Variants in CYTH3 observed in about 807,000 individuals in gnomAD.
The protein encoded by CYTH3 is cytohesin 3.
In CYTH3, 23 loss-of-function variants were observed where a neutral mutation model predicts 55.1. The ratio of observed to expected loss-of-function variants is 0.42; its 90% CI spans 0.30 to 0.59. CYTH3 has a LOEUF of 0.59. CYTH3 is among the 20% of genes least tolerant of loss of function. The pLI, the probability that CYTH3 is intolerant of heterozygous loss-of-function variation, is 0.20. For missense variants in CYTH3, 413 were observed against 524.8 expected (o/e 0.79, Z 2.08); for synonymous variants, 249 against 194.9 (o/e 1.28, Z -2.31).
At chr7:6,189,931 G>A (rs1346227619) in intron 2 of CYTH3, among the ~76,000 whole-genome samples, 1 of 152,068 alleles carries the variant, frequency 6.6e-6, no homozygotes, top group Non-Finnish European at 1.5e-5. Flanking sequence ...AGATACTCAG[G>A]AGACTGAGGC....
intron 1 of CYTH3, among the ~76,000 whole-genome samples, chr7:6,195,675 A>G (rs758061416): frequency 6.6e-6 from 1 of 152,112 alleles, no homozygotes; most frequent in Non-Finnish European, 1.5e-5. Context: ...TCAAGCAATG[A>G]ATGAGGAAGG....
At position 6,188,008 on chromosome 7, in the gene CYTH3, G is replaced by C. The variant is rs367876711; in HGVS notation, c.118-287C>G. Among the ~76,000 whole-genome samples, 641 of 135,132 alleles carry C rather than the reference G, an allele frequency of 4.7e-3. 5 individuals carry two copies. The highest frequency in any genetic ancestry group is 0.024 in the African/African-American group (611 of 25,694). 88.7% of individuals were successfully genotyped at this position (135,132 alleles called of 152,430 possible). ...GTATATAAAATCAGGCAAGCACACTGGGGGGGGAATATCACAGCTGTGAAA... is the reference window on the plus strand; with the variant it reads ...GTATATAAAATCAGGCAAGCACACTCGGGGGGGAATATCACAGCTGTGAAA... On this transcript the variant is annotated intron_variant, in intron 2 of 12. Transcript: ENST00000350796.
At chr7:6,259,774 ATATATATATAATATATATATAT>A (rs1780260961) in intron 1 of CYTH3, among the ~76,000 whole-genome samples, 4 of 22,712 alleles carry the variant, frequency 1.8e-4, no homozygotes, top group South Asian at 1.6e-3. Flanking sequence ...TATATATATT[ATATATATATAATATATATATAT>A]ATATATATAT....
intron 1 of CYTH3, among the ~76,000 whole-genome samples, chr7:6,271,752 A>T (rs1780664239): frequency 6.6e-6 from 1 of 152,120 alleles, no homozygotes; most frequent in African/African-American, 2.4e-5. Context: ...ACTCGGGAGC[A>T]CACCTGGCTC....
intron 1 of CYTH3, among the ~76,000 whole-genome samples, chr7:6,209,225 ATAC>A (rs1269387464): frequency 2.2e-4 from 33 of 152,354 alleles, no homozygotes; most frequent in African/African-American, 6.0e-4. Flanking sequence ...TGTAAATGGG[ATAC>A]TACTACTATC....
intron 1 of CYTH3, among the ~76,000 whole-genome samples, chr7:6,221,653 C>T (rs182254214): frequency 4.2e-4 from 64 of 152,146 alleles, no homozygotes; most frequent in African/African-American, 1.4e-3. Context: ...CCTTTATGTA[C>T]TGTTATCTTT....
chr7:6,261,210 C>T (rs1004565709), intron 1 of CYTH3, among the ~76,000 whole-genome samples: 1 of 151,960 alleles, frequency 6.6e-6, no homozygotes, highest in African/African-American at 2.4e-5. Context: ...AGCTGGGAAG[C>T]CAAAATACCA....
chr7:6,170,251 G>A lies in CYTH3; in HGVS notation c.823+284C>T, dbSNP rs989041770. 2.1e-5 allele frequency: 9 copies of A among 434,322 alleles called. No individual in the cohort carries two copies. The highest frequency in any genetic ancestry group is 3.3e-5 in the Non-Finnish European group (8 of 243,912). The allele number at this position is 434,322 out of a possible 1,614,324, so 26.9% of individuals were successfully genotyped here. A position where few individuals can be genotyped will look rare whatever the true frequency, so the allele number is the denominator to read the frequency against. On this transcript the variant is annotated intron_variant, in intron 9 of 12. Transcript: ENST00000350796. This position sits in a 1 kb window ranked among gnomAD's most constrained non-coding sequence, Gnocchi z 7.8. Reference sequence around the variant, plus strand: ...AGATAATGCGCTTGCTTCTCGTGCAGGAAGCTGCCCTGGCTGGATCTGGAT... The same window carrying A: ...AGATAATGCGCTTGCTTCTCGTGCAAGAAGCTGCCCTGGCTGGATCTGGAT...
At chr7:6,191,042 A>G (rs1406024569) in intron 1 of CYTH3, among the ~76,000 whole-genome samples, 3 of 151,892 alleles carry the variant, frequency 2.0e-5, no homozygotes, top group Non-Finnish European at 4.4e-5. Flanking sequence ...ACATCACTGC[A>G]CTCCAGCCTG....
At chr7:6,259,768 TATA>T (rs1780253141) in intron 1 of CYTH3, among the ~76,000 whole-genome samples, 1 of 24,340 alleles carries the variant, frequency 4.1e-5, no homozygotes, top group Non-Finnish European at 5.7e-5. Context: ...TATATATATA[TATA>T]TTATATATAT....
intron 1 of CYTH3, among the ~76,000 whole-genome samples, chr7:6,205,436 T>C (rs1167409601): frequency 1.3e-5 from 2 of 151,724 alleles, no homozygotes; most frequent in East Asian, 1.9e-4. Flanking sequence ...TAGCCAGGCA[T>C]GGCAGTGCAC....
intron 1 of CYTH3, among the ~76,000 whole-genome samples, chr7:6,199,689 C>T (rs560905820): frequency 2.0e-5 from 3 of 152,222 alleles, no homozygotes; most frequent in Non-Finnish European, 4.4e-5. Context: ...AATTTGTTAC[C>T]GATGCAAAAC....
At chr7:6,235,634 G>A (rs765058609) in intron 1 of CYTH3, among the ~76,000 whole-genome samples, 4 of 152,086 alleles carry the variant, frequency 2.6e-5, no homozygotes, top group Non-Finnish European at 5.9e-5. Flanking sequence ...TCTTATACAC[G>A]GGAGTCGTTA....
At chr7:6,195,617 G>T (rs1156876205) in intron 1 of CYTH3, among the ~76,000 whole-genome samples, 11 of 152,026 alleles carry the variant, frequency 7.2e-5, no homozygotes, top group Admixed American at 7.2e-4. Flanking sequence ...ATCACGCCCG[G>T]CTAATTTTTT....
chr7:6,174,769 G>T (rs59966204), intron 5 of CYTH3, among the ~76,000 whole-genome samples: 1 of 151,378 alleles, frequency 6.6e-6, no homozygotes, highest in South Asian at 2.1e-4. Context: ...GGATGGTCTA[G>T]ATCTCCTAAC....
chr7:6,207,928 T>A (rs1784232239), intron 1 of CYTH3, among the ~76,000 whole-genome samples: 1 of 149,658 alleles, frequency 6.7e-6, no homozygotes, highest in Admixed American at 6.7e-5. Flanking sequence ...GCAGCCTGGG[T>A]GACAGAGCCA....
At chr7:6,240,736 AG>A (rs1350034932) in intron 1 of CYTH3, among the ~76,000 whole-genome samples, 1 of 152,260 alleles carries the variant, frequency 6.6e-6, no homozygotes, top group African/African-American at 2.4e-5. Context: ...AAGTACAGGA[AG>A]AAAACAGATA....
At position 6,198,444 on chromosome 7, in the gene CYTH3, A is replaced by T. The variant is rs139650809; in HGVS notation, c.35-7913T>A. ...TCACAGAATCTGCTGATACACAGAC[A>T]ATTTCACACATGTGACCGCCATACT... On this transcript the variant is annotated intron_variant, in intron 1 of 12. Transcript: ENST00000350796. 4.5e-3 allele frequency among the ~76,000 whole-genome samples: 690 copies of T among 152,360 alleles called. 3 individuals carry two copies. Among genetic ancestry groups the T allele is most frequent in the African/African-American group, 0.016 (657 of 41,578 alleles).
At chr7:6,224,608 G>A (rs1200282122) in intron 1 of CYTH3, among the ~76,000 whole-genome samples, 1 of 152,208 alleles carries the variant, frequency 6.6e-6, no homozygotes, top group Non-Finnish European at 1.5e-5. Flanking sequence ...ATACATTGCT[G>A]GCGTGAATGG....
Sources: gnomAD v4.1 joint callset for allele counts (sites outside exome capture counted in the v4.1 genomes callset) on GRCh38, gnomAD v4.1.1 for gene constraint, Gnocchi (gnomAD v3.1) non-coding constraint, MANE v1.5 for transcripts, NCBI Gene and HGNC (gene_info 2026-07-23, HGNC 2026-07-21) for gene names.